RAB3C: variants seen among roughly 807,000 people sequenced by gnomAD.
RAB3C encodes ras-related protein Rab-3C.
In RAB3C, 17 loss-of-function variants were observed where a neutral mutation model predicts 26.4. The ratio of observed to expected loss-of-function variants is 0.64; its 90% CI spans 0.44 to 0.97. The LOEUF (loss-of-function observed/expected upper bound fraction) is 0.97. RAB3C is among the 50% of genes least tolerant of loss of function. The probability of loss-of-function intolerance (pLI) is 0.00; values close to 1 mark genes in which losing one functional copy is unlikely to be tolerated. For missense variants in RAB3C, 242 were observed against 281.9 expected (o/e 0.86, Z 1.01); for synonymous variants, 91 against 95.9 (o/e 0.95, Z 0.30).
At chr5:58,694,556 CAA>C (rs1261977605) in intron 2 of RAB3C, among the ~76,000 whole-genome samples, 1 of 152,106 alleles carries the variant, frequency 6.6e-6, no homozygotes, top group Non-Finnish European at 1.5e-5. Context: ...AGCAACAGTG[CAA>C]AAGTGTTCCT....
chr5:58,649,023 C>T (rs755338628), intron 2 of RAB3C, among the ~76,000 whole-genome samples: 6 of 152,176 alleles, frequency 3.9e-5, no homozygotes, highest in Non-Finnish European at 8.8e-5. Context: ...CTTCACATTC[C>T]TTCGGCAAGA....
chr5:58,583,587 T>A (rs1745951715), intron 1 of RAB3C, among the ~76,000 whole-genome samples: 1 of 152,138 alleles, frequency 6.6e-6, no homozygotes, highest in South Asian at 2.1e-4. Flanking sequence ...CGGTGAAAAC[T>A]CACGGATTTA....
Position 58,842,025 on chromosome 5 carries a change from T to C in RAB3C, c.497-9139T>C, listed in dbSNP as rs139471316. On this transcript the variant is annotated intron_variant, in intron 4 of 4. Transcript: ENST00000282878. Reference sequence around the variant, plus strand: ...GCTCTTTATTGGGATACAGAGCAAGTAAACCTGTATACTCAGCCAACTCAA... The same window carrying C: ...GCTCTTTATTGGGATACAGAGCAAGCAAACCTGTATACTCAGCCAACTCAA... Among the ~76,000 whole-genome samples, 299 of 152,306 alleles carry C rather than the reference T, an allele frequency of 2.0e-3. 1 individual carries two copies. Among genetic ancestry groups the C allele is most frequent in the Non-Finnish European group, 3.4e-3 (229 of 68,030 alleles).
At chr5:58,745,483 C>CTGTTATTCA (rs1192442102) in intron 3 of RAB3C, among the ~76,000 whole-genome samples, 69 of 150,676 alleles carry the variant, frequency 4.6e-4, no homozygotes, top group African/African-American at 1.6e-3. Flanking sequence ...AGACCACAAG[C>CTGTTATTCA]TGTTATTCAA....
intron 1 of RAB3C, among the ~76,000 whole-genome samples, chr5:58,602,289 A>G (rs1200545103): frequency 6.6e-6 from 1 of 152,110 alleles, no homozygotes; most frequent in South Asian, 2.1e-4. Flanking sequence ...TCTTGGAGAA[A>G]GTTCCATGTG....
chr5:58,680,182 A>G (rs1318686411), intron 2 of RAB3C, among the ~76,000 whole-genome samples: 1 of 152,206 alleles, frequency 6.6e-6, no homozygotes, highest in Non-Finnish European at 1.5e-5. Flanking sequence ...CCCTTTTAAA[A>G]AAAATGAGAT....
intron 2 of RAB3C, among the ~76,000 whole-genome samples, chr5:58,661,108 G>A (rs1263249204): frequency 6.7e-6 from 1 of 150,066 alleles, no homozygotes; most frequent in Non-Finnish European, 1.5e-5. Context: ...AGTATTAATT[G>A]TGGGTATTTC....
At chr5:58,630,002 G>A (rs779225399) in intron 2 of RAB3C, among the ~76,000 whole-genome samples, 1 of 152,194 alleles carries the variant, frequency 6.6e-6, no homozygotes, top group Non-Finnish European at 1.5e-5. Flanking sequence ...GTGGGTCAAA[G>A]TTCTGCTTTT....
At chr5:58,745,013 C>T (rs1741364936) in intron 3 of RAB3C, among the ~76,000 whole-genome samples, 1 of 152,084 alleles carries the variant, frequency 6.6e-6, no homozygotes, top group South Asian at 2.1e-4. Flanking sequence ...TCTCTCAGTC[C>T]TTGCCTTTCC....
At chr5:58,820,863 A>C (rs1406690273) in intron 3 of RAB3C, among the ~76,000 whole-genome samples, 2 of 152,146 alleles carry the variant, frequency 1.3e-5, no homozygotes, top group African/African-American at 4.8e-5. Flanking sequence ...TATGTGCATA[A>C]ATGTATAACC....
chr5:58,717,291 C>A (rs1005541248), intron 2 of RAB3C, among the ~76,000 whole-genome samples: 3 of 152,146 alleles, frequency 2.0e-5, no homozygotes, highest in African/African-American at 7.2e-5. Flanking sequence ...TTGATCCTCC[C>A]TTTCTGTCCC....
chr5:58,598,840 A>G (rs979787733), intron 1 of RAB3C, among the ~76,000 whole-genome samples: 3 of 152,128 alleles, frequency 2.0e-5, no homozygotes, highest in Admixed American at 2.0e-4. Flanking sequence ...TGCCCTCTGA[A>G]GTTAGGTAAT....
At chr5:58,681,812 T>G (rs1477213222) in intron 2 of RAB3C, among the ~76,000 whole-genome samples, 2 of 152,152 alleles carry the variant, frequency 1.3e-5, no homozygotes, top group Admixed American at 6.5e-5. Context: ...GATTGGGATA[T>G]TTTAGGAAGA....
intron 1 of RAB3C, 110 bp from the exon 2 acceptor site, chr5:58,617,529 GTGTC>G (rs1746848734): frequency 1.2e-6 from 1 of 862,628 alleles, no homozygotes; most frequent in Admixed American, 1.7e-5. Context: ...CGCCTCCTGA[GTGTC>G]TGACATCTGT....
chr5:58,662,303 T>C (rs1747920149), intron 2 of RAB3C, among the ~76,000 whole-genome samples: 1 of 150,180 alleles, frequency 6.7e-6, no homozygotes, highest in African/African-American at 2.5e-5. Context: ...TAGAGGGGTG[T>C]GCTGTTGTTC....
intron 1 of RAB3C, among the ~76,000 whole-genome samples, chr5:58,597,363 G>A (rs62644402): frequency 0.59 from 269 of 456 alleles, 42 homozygotes; most frequent in South Asian, 0.62. Context: ...ACAATACATA[G>A]TACATTATAT....
chr5:58,786,676 C>G (rs1671346839), intron 3 of RAB3C, among the ~76,000 whole-genome samples: 1 of 151,972 alleles, frequency 6.6e-6, no homozygotes, highest in Non-Finnish European at 1.5e-5. Flanking sequence ...GACCGCACGG[C>G]TTGCCTGAGA....
At chr5:58,790,039 T>TA (rs1241018297) in intron 3 of RAB3C, among the ~76,000 whole-genome samples, 3 of 152,332 alleles carry the variant, frequency 2.0e-5, no homozygotes, top group African/African-American at 7.2e-5. Flanking sequence ...TGTAGCCAAA[T>TA]AAGTATTTTC....
chr5:58,812,509 T>C (rs1230033827), intron 3 of RAB3C, among the ~76,000 whole-genome samples: 1 of 152,194 alleles, frequency 6.6e-6, no homozygotes. Flanking sequence ...TTGTGCACTG[T>C]TGTTTAATAA....
Sources: gnomAD v4.1 joint callset for allele counts (sites outside exome capture counted in the v4.1 genomes callset) on GRCh38, gnomAD v4.1.1 for gene constraint, MANE v1.5 for transcripts, NCBI Gene and HGNC (gene_info 2026-07-23, HGNC 2026-07-21) for gene names.